DNAJC5: variants seen among roughly 807,000 people sequenced by gnomAD.
DNAJC5 encodes the protein DnaJ heat shock protein family (Hsp40) member C5, also known as dnaJ homolog subfamily C member 5.
A neutral mutation model predicts 23.2 loss-of-function variants in DNAJC5; 1 was observed. That is an observed-to-expected ratio of 0.04 (90% CI 0.02 to 0.20). The LOEUF is 0.20. DNAJC5 is among the 10% of genes least tolerant of loss of function. The probability of loss-of-function intolerance (pLI) is 1.00; values close to 1 mark genes in which losing one functional copy is unlikely to be tolerated. For synonymous variants in DNAJC5, 136 were observed against 120.0 expected (o/e 1.13, Z -0.87); for missense variants, 180 against 267.0 (o/e 0.67, Z 2.27).
intron 1 of DNAJC5, among the ~76,000 whole-genome samples, chr20:63,905,390 G>A (rs1018994400): frequency 2.0e-5 from 3 of 151,758 alleles, no homozygotes; most frequent in African/African-American, 7.3e-5. Flanking sequence ...TACTGGGATT[G>A]CAGGTGTGAG....
chr20:63,896,454 T>C (rs908845457), intron 1 of DNAJC5, among the ~76,000 whole-genome samples: 1 of 152,178 alleles, frequency 6.6e-6, no homozygotes, highest in African/African-American at 2.4e-5. Context: ...GGTTGCTGGC[T>C]GTGTGGACTC....
intron 1 of DNAJC5, among the ~76,000 whole-genome samples, chr20:63,923,195 C>G (rs1189045030): frequency 1.3e-5 from 2 of 151,308 alleles, no homozygotes; most frequent in Non-Finnish European, 2.9e-5. Flanking sequence ...GTGGCTTGCA[C>G]CTATAATCCT....
intron 1 of DNAJC5, among the ~76,000 whole-genome samples, chr20:63,916,229 T>C (rs1343230549): frequency 6.6e-6 from 1 of 152,254 alleles, no homozygotes; most frequent in Non-Finnish European, 1.5e-5. Flanking sequence ...ATTCCGGGCA[T>C]GAGCCATCAT....
At chr20:63,899,195 A>G (rs147463274) in intron 1 of DNAJC5, among the ~76,000 whole-genome samples, 19 of 152,322 alleles carry the variant, frequency 1.2e-4, no homozygotes, top group African/African-American at 4.6e-4. Flanking sequence ...AGAAGGGACA[A>G]AGAGGCTGAA....
intron 1 of DNAJC5, among the ~76,000 whole-genome samples, chr20:63,910,594 C>T (rs1475298623): frequency 2.0e-5 from 3 of 151,586 alleles, no homozygotes; most frequent in Non-Finnish European, 2.9e-5. Flanking sequence ...GCCCGAGGTA[C>T]CTGGGTGCCC....
intron 1 of DNAJC5, among the ~76,000 whole-genome samples, chr20:63,906,065 T>C (rs555259896): frequency 8.6e-4 from 131 of 152,288 alleles, no homozygotes; most frequent in African/African-American, 3.1e-3. Context: ...AAAATACTTT[T>C]TACATCTAAA....
At position 63,925,397 on chromosome 20, in the gene DNAJC5, C is replaced by T. The variant is rs189897213; in HGVS notation, c.-11-2938C>T. Among the ~76,000 whole-genome samples, 8 of 152,266 alleles carry T rather than the reference C, an allele frequency of 5.3e-5. No homozygotes were observed. The East Asian group carries it at 1.2e-3, about 22-fold the overall frequency. On this transcript the variant is annotated intron_variant, in intron 1 of 4. Transcript: ENST00000360864. The stretch of plus-strand genomic sequence containing the variant: ...ACTTGGGAGGCTGAAGCAGAAGAAT[C>T]GCTTGAACCCGGGAGGCAGAGATTG...
chr20:63,915,702 C>T (rs925806951), intron 1 of DNAJC5, among the ~76,000 whole-genome samples: 2 of 152,210 alleles, frequency 1.3e-5, no homozygotes, highest in African/African-American at 4.8e-5. Context: ...TGGTGCAGTC[C>T]TCAGAGAGCA....
chr20:63,928,483 C>T lies in DNAJC5; in HGVS notation c.107+31C>T. 1 of 1,567,672 alleles carries T rather than the reference C, an allele frequency of 6.4e-7. No individual in the cohort carries two copies. Among genetic ancestry groups the T allele is most frequent in the Non-Finnish European group, 8.8e-7 (1 of 1,138,012 alleles). The stretch of plus-strand genomic sequence containing the variant: ...TGGACAAGTGTGGCCCCCACATCCC[C>T]CCAGGAAGACACACATGCCCCGTGT... On this transcript the variant is annotated intron_variant, in intron 2 of 4. Coordinates refer to ENST00000360864, the MANE Select transcript of DNAJC5 (RefSeq NM_025219.3). This position sits in a 1 kb window ranked among gnomAD's most constrained non-coding sequence, Gnocchi z 4.6.
chr20:63,897,957 C>T (rs920425936), intron 1 of DNAJC5, among the ~76,000 whole-genome samples: 2 of 152,208 alleles, frequency 1.3e-5, no homozygotes, highest in Non-Finnish European at 2.9e-5. Flanking sequence ...ATTGAACAGA[C>T]GCTGCACGTT....
chr20:63,919,426 ACGGAAGAGGACACACCCGGC>A (rs2053544832), intron 1 of DNAJC5: 1 of 487,142 alleles, frequency 2.1e-6, no homozygotes, highest in Non-Finnish European at 4.1e-6. Context: ...GGACAGCGCC[ACGGAAGAGGACACACCCGGC>A]TGTGTGGACA....
rs2053695954 is a variant in DNAJC5 at position 63,933,967 on chromosome 20, A to T, written c.*2399A>T. 6.6e-6 allele frequency: 1 copy of T among 152,382 alleles called. No individual in the cohort carries two copies. The highest frequency in any genetic ancestry group is 1.5e-5 in the Non-Finnish European group (1 of 68,066). The allele number at this position is 152,382 out of a possible 1,614,324, so 9.4% of individuals were successfully genotyped here. On this transcript the variant is annotated 3_prime_UTR_variant, in exon 5 of 5. Transcript: ENST00000360864. Reference sequence around the variant, plus strand: ...CGGAAGGTGGGGTAGGGTGGGAAAGAGGAGCAGGTCTGGAGGTTTGTGGAA... The same window carrying T: ...CGGAAGGTGGGGTAGGGTGGGAAAGTGGAGCAGGTCTGGAGGTTTGTGGAA...
At position 63,929,394 on chromosome 20, in the gene DNAJC5, C is replaced by T; in HGVS notation, c.190C>T (p.His64Tyr). 6.2e-7 allele frequency: 1 copy of T among 1,614,182 alleles called. No homozygotes were observed. The highest frequency in any genetic ancestry group is 8.5e-7 in the Non-Finnish European group (1 of 1,180,042). ...CAAGTTTAAGGAGATCAACAACGCG[C>T]ACGCCATCCTCACGGACGCCACAAA... ...ADKFKEINNA[H>Y]AILTDATKRN... is the part of the protein sequence containing the mutation. The change falls in exon 3 of 5, where the codon CAC (histidine) becomes TAC (tyrosine). Residue 64 changes from histidine to tyrosine, a missense_variant. His to Tyr is a moderately conservative substitution (Grantham distance 83). This residue lies in a region of DNAJC5 where 77 missense variants were observed against 106.8 expected (regional missense o/e 0.72). Coordinates refer to ENST00000360864, the MANE Select transcript of DNAJC5 (RefSeq NM_025219.3). The surrounding 1 kb of genome is among the most constrained non-coding windows in gnomAD (Gnocchi z 8.6).
At chr20:63,917,910 T>C (rs1409053897) in intron 1 of DNAJC5, among the ~76,000 whole-genome samples, 2 of 152,214 alleles carry the variant, frequency 1.3e-5, no homozygotes, top group Non-Finnish European at 2.9e-5. Context: ...GTGGGGGCAC[T>C]GCCTGTCTTC....
At position 63,924,560 on chromosome 20, in the gene DNAJC5, A is replaced by T. The variant is rs1047433266; in HGVS notation, c.-11-3775A>T. ...GCCACCATGCCTATTTAACTTAAAA[A>T]CAAAAACAAAAAACCGGGCACGGTG... On this transcript the variant is annotated intron_variant, in intron 1 of 4. Coordinates refer to ENST00000360864, the MANE Select transcript of DNAJC5 (RefSeq NM_025219.3). Among the ~76,000 whole-genome samples, 12 of 152,226 alleles carry T rather than the reference A, an allele frequency of 7.9e-5. 1 individual carries two copies. The highest frequency in any genetic ancestry group is 9.6e-5 in the African/African-American group (4 of 41,552).
In DNAJC5 at chr20:63,931,503, G is replaced by A. The variant is rs766374425; in HGVS notation, c.532G>A (p.Ala178Thr). 5 of 1,580,024 alleles carry A rather than the reference G, an allele frequency of 3.2e-6. No individual in the cohort carries two copies. The highest frequency in any genetic ancestry group is 1.2e-5 in the South Asian group (1 of 86,726). ...DTPIVIQPAS[A>T]TETTQLTADS... The stretch of plus-strand genomic sequence containing the variant: ...GCCGATCGTCATACAGCCGGCATCC[G>A]CCACCGAGACCACCCAGCTCACAGC... Residue 178 changes from alanine (A) to threonine (T), a missense_variant, in exon 5 of 5, where the codon GCC becomes ACC. Ala to Thr is a moderately conservative substitution (Grantham distance 58). Transcript: ENST00000360864. This position sits in a 1 kb window ranked among gnomAD's most constrained non-coding sequence, Gnocchi z 9.6.
At chr20:63,907,858 C>T (rs537808779) in intron 1 of DNAJC5, among the ~76,000 whole-genome samples, 7 of 152,312 alleles carry the variant, frequency 4.6e-5, no homozygotes, top group South Asian at 2.1e-4. Context: ...CTCTGCCTCC[C>T]GGCTTCAAGT....
chr20:63,911,197 C>T (rs1396176864), intron 1 of DNAJC5, among the ~76,000 whole-genome samples: 1 of 152,130 alleles, frequency 6.6e-6, no homozygotes, highest in Non-Finnish European at 1.5e-5. Flanking sequence ...AGGGCTTCAG[C>T]ATGTGGGGTT....
intron 1 of DNAJC5, among the ~76,000 whole-genome samples, chr20:63,909,667 C>G (rs1181380659): frequency 1.3e-5 from 2 of 152,222 alleles, no homozygotes; most frequent in Admixed American, 1.3e-4. Flanking sequence ...GGCGACAGAG[C>G]AAGACTCCGT....
Sources: gnomAD v4.1 joint callset for allele counts (sites outside exome capture counted in the v4.1 genomes callset) on GRCh38, gnomAD v4.1.1 for gene constraint, gnomAD v4.1.1 regional missense constraint, Gnocchi (gnomAD v3.1) non-coding constraint, MANE v1.5 for transcripts, NCBI Gene and HGNC (gene_info 2026-07-23, HGNC 2026-07-21) for gene names.